The following ANK3 variants were observed in gnomAD, a reference collection of about 807,000 sequenced individuals.
ANK3 encodes ankyrin-3.
ANK3 carries 57 observed loss-of-function variants against 370.9 expected under a neutral mutation model. That is an observed-to-expected ratio of 0.15 (90% CI 0.12 to 0.19). The LOEUF is 0.19. Ranked by LOEUF, ANK3 falls within the 10% of genes least tolerant of loss-of-function variation. The pLI, the probability that ANK3 is intolerant of heterozygous loss-of-function variation, is 1.00. For synonymous variants in ANK3, 1,929 were observed against 1,946.3 expected (o/e 0.99, Z 0.23); for missense variants, 4,439 against 5,302.1 (o/e 0.84, Z 5.06).
chr10:60,506,525 G>A lies in ANK3; in HGVS notation c.96+108661C>T, dbSNP rs28613526. Among the ~76,000 whole-genome samples the A allele has an allele frequency of 5.1e-3, 775 of 152,048 alleles. 8 individuals are homozygous for A. The highest frequency in any genetic ancestry group is 0.017 in the African/African-American group (714 of 41,476). ...ATATTAAGCTACCTTTAAGTTTCAC[G>A]GGCTTCTGAAGAACCTCCAGTTTTG... On this transcript the variant is annotated intron_variant, in intron 2 of 43. Coordinates refer to the ANK3 transcript ENST00000373827.
At chr10:60,249,180 G>C (rs1291592112) in intron 7 of ANK3, among the ~76,000 whole-genome samples, 1 of 152,212 alleles carries the variant, frequency 6.6e-6, no homozygotes, top group Non-Finnish European at 1.5e-5. Flanking sequence ...CAGTTGAATG[G>C]AAAGGGGCAT....
At chr10:60,145,415 C>T (rs2094767669) in intron 23 of ANK3, among the ~76,000 whole-genome samples, 1 of 152,126 alleles carries the variant, frequency 6.6e-6, no homozygotes, top group East Asian at 1.9e-4. Flanking sequence ...TTTGATCATA[C>T]AGCAAAGAGA....
Position 60,088,190 on chromosome 10 carries a change from A to G in ANK3, c.3497T>C (p.Phe1166Ser), listed in dbSNP as rs757641458. 6.2e-7 allele frequency: 1 copy of G among 1,614,212 alleles called. No homozygotes were observed. The highest frequency in any genetic ancestry group is 2.2e-5 in the East Asian group (1 of 44,880). Residue 1166 changes from phenylalanine to serine, a missense_variant, in exon 29 of 44, where the codon TTC (phenylalanine) becomes TCC (serine). Physicochemically the swap from Phe to Ser is radical, Grantham distance 155. Around this residue, in one of 13 missense-constraint regions of ANK3, gnomAD observed 702 missense variants for 941.5 expected, o/e 0.75. Coordinates refer to ENST00000280772, the MANE Select transcript of ANK3 (RefSeq NM_020987.5). ...TCTTTTAGTTAGGGCACCCTCTGGG[A>G]AAGATGCTTGAACAAGGGGCACTGT... ...STTVPLVQASFPEGALTKRIR... is the reference protein window; with the variant it reads ...STTVPLVQASSPEGALTKRIR...
chr10:60,398,132 C>A (rs2063280568), intron 2 of ANK3, among the ~76,000 whole-genome samples: 1 of 152,196 alleles, frequency 6.6e-6, no homozygotes, highest in South Asian at 2.1e-4. Context: ...GTAAGGGTAT[C>A]AAAATGTCTC....
At chr10:60,392,273 T>C (rs2063127627), upstream of ANK3, among the ~76,000 whole-genome samples, 5 of 152,198 alleles carry the variant, frequency 3.3e-5, no homozygotes, top group Admixed American at 3.3e-4. Flanking sequence ...ATGAAAACAT[T>C]AAAACAACTT....
intron 2 of ANK3, among the ~76,000 whole-genome samples, chr10:60,564,038 T>C (rs921953660): frequency 2.6e-5 from 4 of 152,150 alleles, no homozygotes; most frequent in Non-Finnish European, 5.9e-5. Flanking sequence ...AATAAGCAAA[T>C]TCCAATGCTA....
chr10:60,729,326 C>T (rs1189593720), intron 1 of ANK3, among the ~76,000 whole-genome samples: 1 of 152,172 alleles, frequency 6.6e-6, no homozygotes, highest in Non-Finnish European at 1.5e-5. Flanking sequence ...ATATCCTCAG[C>T]ATGAAGCCTT....
intron 28 of ANK3, among the ~76,000 whole-genome samples, chr10:60,090,438 T>C (rs961437690): frequency 3.9e-5 from 6 of 152,164 alleles, no homozygotes; most frequent in African/African-American, 1.4e-4. Context: ...TAAAAGGTAA[T>C]ATATTTGACT....
intron 2 of ANK3, among the ~76,000 whole-genome samples, chr10:60,461,762 G>GA (rs1444544197): frequency 2.0e-5 from 3 of 152,144 alleles, no homozygotes; most frequent in Non-Finnish European, 4.4e-5. Context: ...GGGCAAGGTC[G>GA]AAAATCACGC....
intron 1 of ANK3, among the ~76,000 whole-genome samples, chr10:60,708,171 C>T (rs1310297998): frequency 6.6e-6 from 1 of 152,180 alleles, no homozygotes; most frequent in Non-Finnish European, 1.5e-5. Flanking sequence ...ATACCCAAAC[C>T]TTAGTCAAGT....
chr10:60,154,361 G>A (rs889342134), intron 23 of ANK3, among the ~76,000 whole-genome samples: 1 of 152,142 alleles, frequency 6.6e-6, no homozygotes, highest in African/African-American at 2.4e-5. Flanking sequence ...TAGGAAATTA[G>A]GGTAGCAGGA....
chr10:60,306,032 A>T (rs1480271097), intron 1 of ANK3, among the ~76,000 whole-genome samples: 1 of 152,174 alleles, frequency 6.6e-6, no homozygotes, highest in Non-Finnish European at 1.5e-5. Context: ...ACATAACCTC[A>T]GAGCCCATTT....
chr10:60,311,919 C>G (rs2046433485), intron 1 of ANK3, among the ~76,000 whole-genome samples: 1 of 152,140 alleles, frequency 6.6e-6, no homozygotes, highest in Non-Finnish European at 1.5e-5. Context: ...TCACTTATTA[C>G]TGGTTCATAG....
intron 8 of ANK3, among the ~76,000 whole-genome samples, chr10:60,214,578 T>A (rs1262031291): frequency 6.6e-6 from 1 of 152,162 alleles, no homozygotes; most frequent in Non-Finnish European, 1.5e-5. Context: ...GTTCTCATTG[T>A]TCATCTCCCA....
intron 1 of ANK3, among the ~76,000 whole-genome samples, chr10:60,690,166 C>G (rs1311968835): frequency 6.6e-6 from 1 of 152,184 alleles, no homozygotes; most frequent in African/African-American, 2.4e-5. Flanking sequence ...CCAGCAAGAT[C>G]AAAGCAGAAA....
chr10:60,632,913 A>AC (rs34551436), intron 1 of ANK3, among the ~76,000 whole-genome samples: 98,467 of 150,794 alleles, frequency 0.65, 32,394 homozygotes, highest in South Asian at 0.82. Flanking sequence ...CAAAAAAAAA[A>AC]CCATACTTAT....
intron 4 of ANK3, among the ~76,000 whole-genome samples, chr10:60,273,566 T>C (rs1355726314): frequency 1.3e-5 from 2 of 152,200 alleles, no homozygotes; most frequent in Admixed American, 6.5e-5. Context: ...CTGGATATTC[T>C]ATATAAACAG....
At chr10:60,292,362 GAA>G (rs36007469) in intron 1 of ANK3, among the ~76,000 whole-genome samples, 2 of 140,816 alleles carry the variant, frequency 1.4e-5, no homozygotes, top group Non-Finnish European at 1.6e-5. Flanking sequence ...TCTTGCTCTG[GAA>G]AAAAAAAAAA....
chr10:60,198,245 C>G, intron 14 of ANK3, 95 bp downstream of exon 14: 1 of 1,232,508 alleles, frequency 8.1e-7, no homozygotes, highest in Non-Finnish European at 1.2e-6. Context: ...AGAATAGATG[C>G]TGTTGTGCAG....
Sources: gnomAD v4.1 joint callset for allele counts (sites outside exome capture counted in the v4.1 genomes callset) on GRCh38, gnomAD v4.1.1 for gene constraint, gnomAD v4.1.1 regional missense constraint, MANE v1.5 for transcripts, NCBI Gene and HGNC (gene_info 2026-07-23, HGNC 2026-07-21) for gene names.